Variants in CERS6 observed in about 807,000 individuals in gnomAD.
The protein encoded by CERS6 is ceramide synthase 6.
CERS6 carries 26 observed loss-of-function variants against 56.8 expected under a neutral mutation model. That is an observed-to-expected ratio of 0.46 (90% CI 0.34 to 0.63). CERS6 has a LOEUF of 0.63. Ranked by LOEUF, CERS6 falls within the 30% of genes least tolerant of loss-of-function variation. The pLI is 0.01. For missense variants in CERS6, 415 were observed against 467.5 expected, an observed-to-expected ratio of 0.89 and a Z score of 1.04; for synonymous variants, 164 against 173.3, an observed-to-expected ratio of 0.95 and a Z score of 0.42.
chr2:168,607,071 T>C (rs973744803), intron 3 of CERS6, among the ~76,000 whole-genome samples: 5 of 152,356 alleles, frequency 3.3e-5, no homozygotes, highest in African/African-American at 1.2e-4. Context: ...CATTTCTTTA[T>C]AGCAATGCAA....
At chr2:168,755,541 C>T (rs1684391280) in intron 8 of CERS6, among the ~76,000 whole-genome samples, 1 of 152,170 alleles carries the variant, frequency 6.6e-6, no homozygotes, top group African/African-American at 2.4e-5. Context: ...TGCCCCCACC[C>T]CACTGCAGGC....
chr2:168,655,283 A>G (rs767982670), intron 4 of CERS6, among the ~76,000 whole-genome samples: 2 of 152,194 alleles, frequency 1.3e-5, no homozygotes, highest in Non-Finnish European at 2.9e-5. Flanking sequence ...TGGTTTGGGA[A>G]TGTAGATTGG....
At chr2:168,537,914 C>T (rs1395260077) in intron 1 of CERS6, among the ~76,000 whole-genome samples, 11 of 152,174 alleles carry the variant, frequency 7.2e-5, no homozygotes, top group Non-Finnish European at 1.0e-4. Flanking sequence ...TTCAGCCCAA[C>T]CCCCATGCCA....
chr2:168,499,889 T>C lies in CERS6; in HGVS notation c.170+43271T>C, dbSNP rs78344082. On this transcript the variant is annotated intron_variant, in intron 1 of 9. Coordinates refer to ENST00000305747, the MANE Select transcript of CERS6 (RefSeq NM_203463.3). ...GATATCCTCCTGGTAACTCATTTTTTAGTCTGTGGAAAGCAGGAAACCTCT... is the reference window on the plus strand; with the variant it reads ...GATATCCTCCTGGTAACTCATTTTTCAGTCTGTGGAAAGCAGGAAACCTCT... Among the ~76,000 whole-genome samples, 603 of 152,290 alleles carry C rather than the reference T, an allele frequency of 4.0e-3. 3 individuals carry two copies. The highest frequency in any genetic ancestry group is 0.014 in the African/African-American group (583 of 41,558).
intron 1 of CERS6, among the ~76,000 whole-genome samples, chr2:168,483,840 G>C (rs1221617386): frequency 1.3e-5 from 2 of 152,130 alleles, no homozygotes; most frequent in Non-Finnish European, 2.9e-5. Flanking sequence ...AAATTTCACT[G>C]GGCATCAGAG....
intron 1 of CERS6, among the ~76,000 whole-genome samples, chr2:168,475,761 C>T (rs573645433): frequency 1.3e-5 from 2 of 152,254 alleles, no homozygotes; most frequent in South Asian, 4.2e-4. Context: ...ATAGGTCAGG[C>T]TGTTAGGCTT....
rs6754976 is a variant in CERS6, at chr2:168,717,792, T to G, written c.739-80T>G. 1.0e-3 allele frequency: 993 copies of G among 965,192 alleles called. 6 individuals carry two copies. In the African/African-American group the frequency reaches 0.015, roughly 15 times the overall value. 59.8% of individuals were successfully genotyped at this position (965,192 alleles called of 1,614,324 possible). A position where few individuals can be genotyped will look rare whatever the true frequency, so the allele number is the denominator to read the frequency against. On this transcript the variant is annotated intron_variant, in intron 7 of 9. Coordinates refer to ENST00000305747, the MANE Select transcript of CERS6 (RefSeq NM_203463.3). ...TATGCATCTGGTAAGGTATATCTTATAGGAGATTCATGCATATTGAAAGAA... is the reference window on the plus strand; with the variant it reads ...TATGCATCTGGTAAGGTATATCTTAGAGGAGATTCATGCATATTGAAAGAA...
intron 3 of CERS6, among the ~76,000 whole-genome samples, chr2:168,594,906 G>C (rs964041011): frequency 6.6e-6 from 1 of 152,156 alleles, no homozygotes; most frequent in African/African-American, 2.4e-5. Context: ...GTGTATTCGG[G>C]CTGTGTTCAG....
At chr2:168,491,118 T>C (rs1016869629) in intron 1 of CERS6, among the ~76,000 whole-genome samples, 11 of 152,180 alleles carry the variant, frequency 7.2e-5, no homozygotes, top group Non-Finnish European at 1.3e-4. Flanking sequence ...ACAGTCACGC[T>C]GAGGATGGAG....
chr2:168,694,613 A>T (rs1415777023), intron 5 of CERS6, among the ~76,000 whole-genome samples: 1 of 152,140 alleles, frequency 6.6e-6, no homozygotes, highest in East Asian at 1.9e-4. Context: ...GTCCAGGGTT[A>T]TTCTTTGTCT....
intron 1 of CERS6, among the ~76,000 whole-genome samples, chr2:168,458,784 G>T (rs895854725): frequency 6.6e-6 from 1 of 152,214 alleles, no homozygotes; most frequent in African/African-American, 2.4e-5. Context: ...TTCTTCCTAT[G>T]ATAGCTCTGT....
At chr2:168,731,216 A>G (rs549995093) in intron 8 of CERS6, among the ~76,000 whole-genome samples, 1 of 152,290 alleles carries the variant, frequency 6.6e-6, no homozygotes, top group Admixed American at 6.5e-5. Flanking sequence ...TTCCCAAAAT[A>G]ACATCCAGAG....
chr2:168,565,787 A>C (rs1695873473), intron 3 of CERS6, among the ~76,000 whole-genome samples: 1 of 152,188 alleles, frequency 6.6e-6, no homozygotes, highest in Non-Finnish European at 1.5e-5. Flanking sequence ...TTTGATGAAT[A>C]CTTCTTCCAG....
intron 4 of CERS6, among the ~76,000 whole-genome samples, chr2:168,645,183 A>AGAGT (rs1685165491): frequency 1.7e-5 from 2 of 115,366 alleles, no homozygotes; most frequent in African/African-American, 3.7e-5. Flanking sequence ...AGAGAGAGAG[A>AGAGT]GAGAGAGTAA....
At chr2:168,644,032 G>C in intron 4 of CERS6, 1 of 935,436 alleles carries the variant, frequency 1.1e-6, no homozygotes, top group Non-Finnish European at 1.3e-6. Context: ...ATTTTGTTAA[G>C]AACTGATATA....
chr2:168,653,380 T>C (rs1237857714), intron 4 of CERS6, among the ~76,000 whole-genome samples: 1 of 152,214 alleles, frequency 6.6e-6, no homozygotes, highest in African/African-American at 2.4e-5. Flanking sequence ...GCCATCTTGA[T>C]TGCATCAGGG....
At chr2:168,477,212 AGAG>A (rs1694092837) in intron 1 of CERS6, among the ~76,000 whole-genome samples, 2 of 143,266 alleles carry the variant, frequency 1.4e-5, no homozygotes, top group African/African-American at 5.5e-5. Context: ...AGAGAGAGAG[AGAG>A]AGAGTCTCAT....
At chr2:168,686,869 G>C (rs1004250843) in intron 4 of CERS6, among the ~76,000 whole-genome samples, 2 of 152,136 alleles carry the variant, frequency 1.3e-5, no homozygotes, top group African/African-American at 4.8e-5. Flanking sequence ...CTAAGCTACT[G>C]TATATAAAAG....
intron 4 of CERS6, among the ~76,000 whole-genome samples, chr2:168,658,364 A>G (rs1433332137): frequency 1.3e-5 from 2 of 152,146 alleles, no homozygotes; most frequent in Admixed American, 6.5e-5. Context: ...TTGCGTTGTT[A>G]TGATAGAACA....
Sources: allele counts gnomAD v4.1 joint callset (sites outside exome capture counted in the v4.1 genomes callset), GRCh38; gene constraint gnomAD v4.1.1; transcripts MANE v1.5; gene names NCBI Gene and HGNC (gene_info 2026-07-23, HGNC 2026-07-21).